MRTFB: variants seen among roughly 807,000 people sequenced by gnomAD.
The protein encoded by MRTFB is myocardin-related transcription factor B.
Under a neutral mutation model 104.2 loss-of-function variants are expected in MRTFB, and 29 were observed. That is an observed-to-expected ratio of 0.28 (90% confidence interval 0.21 to 0.38). The LOEUF is 0.38. Ranked by LOEUF, MRTFB falls within the 10% of genes least tolerant of loss-of-function variation. MRTFB has a pLI of 1.00. For missense variants in MRTFB, 1,270 were observed against 1,341.6 expected, an observed-to-expected ratio of 0.95 and a Z score of 0.83; for synonymous variants, 535 against 519.5, an observed-to-expected ratio of 1.03 and a Z score of -0.41.
chr16:14,246,705 A>T lies in MRTFB; in HGVS notation c.1445A>T (p.Lys482Met). The stretch of plus-strand genomic sequence containing the variant: ...GTGACTAGCTCAGTCTCTACTCTCA[A>T]GGCAGAATTGCCACCTACAGGAACC... The part of the protein sequence containing the change: ...NTVTSSVSTL[K>M]AELPPTGTSN... Residue 482 changes from lysine (K) to methionine (M), a missense_variant, in exon 12 of 17, where the codon AAG becomes ATG. Transcript: ENST00000571589. 6.2e-7 allele frequency: 1 copy of T among 1,614,206 alleles called. No individual in the cohort carries two copies. The highest frequency in any genetic ancestry group is 1.1e-5 in the South Asian group (1 of 91,082).
chr16:14,052,216 G>A, the MRTFB span, among the ~76,000 whole-genome samples: 1 of 152,156 alleles, frequency 6.6e-6, no homozygotes, highest in South Asian at 2.1e-4. Context: ...AATGAGGGAG[G>A]AGGAGTCATG....
intron 12 of MRTFB, chr16:14,247,859 C>T (rs566719679): frequency 3.3e-5 from 7 of 210,552 alleles, no homozygotes; most frequent in Non-Finnish European, 6.7e-5. Context: ...AAATGGCCGG[C>T]TTCACTTAAT....
chr16:14,130,351 T>C (rs900423926), intron 2 of MRTFB, among the ~76,000 whole-genome samples: 9 of 152,234 alleles, frequency 5.9e-5, no homozygotes, highest in African/African-American at 1.4e-4. Context: ...ACCATTGTTT[T>C]TGACAATTTT....
intron 3 of MRTFB, chr16:14,150,974 A>G (rs13332261): frequency 6.6e-6 from 1 of 152,236 alleles, no homozygotes. Context: ...GAGAACCTCA[A>G]GAGATTACTT....
chr16:14,122,238 G>GTT, intron 2 of MRTFB, among the ~76,000 whole-genome samples: 1 of 118,774 alleles, frequency 8.4e-6, no homozygotes, highest in East Asian at 2.4e-4. Flanking sequence ...ATATGGATCT[G>GTT]TTTTTTTTTT....
chr16:14,075,349 G>A (rs748934226), intron 1 of MRTFB, among the ~76,000 whole-genome samples: 8 of 152,208 alleles, frequency 5.3e-5, no homozygotes, highest in Non-Finnish European at 8.8e-5. Flanking sequence ...CCATCAGCAC[G>A]TCAGCAGCAT....
intron 2 of MRTFB, among the ~76,000 whole-genome samples, chr16:14,089,194 T>C (rs952035582): frequency 6.6e-6 from 1 of 152,202 alleles, no homozygotes; most frequent in African/African-American, 2.4e-5. Context: ...CCTTTTAAAG[T>C]GTAGAACTCA....
rs758763374 is a variant in MRTFB at position 14,213,536 on chromosome 16, T to C, written c.277-9T>C. 1.1e-5 allele frequency: 18 copies of C among 1,585,404 alleles called. No individual in the cohort carries two copies. The highest frequency in any genetic ancestry group is 3.4e-4 in the Middle Eastern group (2 of 5,946). ...ATGATTTATGGTAAGACTTTTTTTC[T>C]TTTTAAAGACTGAAAACTTTTTGAA... is the stretch of plus-strand genomic sequence containing the variant. On this transcript the variant is annotated splice_polypyrimidine_tract_variant and intron_variant, in intron 5 of 16. Transcript: ENST00000571589.
chr16:14,003,764 C>T, the MRTFB span, among the ~76,000 whole-genome samples: 1 of 151,940 alleles, frequency 6.6e-6, no homozygotes, highest in East Asian at 1.9e-4. Context: ...GGGGGAAACT[C>T]AAAAGTATGC....
intron 2 of MRTFB, among the ~76,000 whole-genome samples, chr16:14,109,644 A>C (rs1429727123): frequency 6.6e-6 from 1 of 152,176 alleles, no homozygotes; most frequent in African/African-American, 2.4e-5. Flanking sequence ...GAGATCACCA[A>C]GTTGTCCATT....
At chr16:14,251,245 C>T (rs555667742) in intron 13 of MRTFB, among the ~76,000 whole-genome samples, 142 of 151,866 alleles carry the variant, frequency 9.4e-4, no homozygotes, top group African/African-American at 3.2e-3. Flanking sequence ...GGTGTGGTGG[C>T]GGGCGCCTGT....
intron 3 of MRTFB, chr16:14,200,361 T>C: frequency 1.2e-6 from 2 of 1,608,026 alleles, no homozygotes; most frequent in East Asian, 4.5e-5. Flanking sequence ...GCCGCCATGT[T>C]GCAGCAGGAT....
chr16:14,137,503 A>G (rs542975492), intron 2 of MRTFB, among the ~76,000 whole-genome samples: 8 of 152,282 alleles, frequency 5.3e-5, no homozygotes, highest in East Asian at 3.9e-4. Context: ...ACATCTTTCA[A>G]TTATAAGGGC....
chr16:14,081,454 G>A (rs374551574), intron 2 of MRTFB, among the ~76,000 whole-genome samples: 5 of 151,994 alleles, frequency 3.3e-5, no homozygotes, highest in South Asian at 2.1e-4. Flanking sequence ...CATCATGCCC[G>A]GCTAATTTTT....
At chr16:14,117,018 T>G (rs1287494416) in intron 2 of MRTFB, among the ~76,000 whole-genome samples, 1 of 152,190 alleles carries the variant, frequency 6.6e-6, no homozygotes, top group African/African-American at 2.4e-5. Context: ...CTCAGCTCTC[T>G]CGGGACATGG....
chr16:13,998,503 G>T, the MRTFB span, among the ~76,000 whole-genome samples: 1 of 151,976 alleles, frequency 6.6e-6, no homozygotes, highest in Non-Finnish European at 1.5e-5. Context: ...AAAATTAGCT[G>T]GGCATGAAGT....
intron 3 of MRTFB, among the ~76,000 whole-genome samples, chr16:14,197,072 C>T (rs537581054): frequency 2.0e-5 from 3 of 147,532 alleles, no homozygotes; most frequent in East Asian, 2.0e-4. Flanking sequence ...CGGGTTCAAG[C>T]GATCCCCACC....
intron 2 of MRTFB, among the ~76,000 whole-genome samples, chr16:14,127,055 G>A (rs2037147824): frequency 6.6e-6 from 1 of 152,154 alleles, no homozygotes; most frequent in Admixed American, 6.5e-5. Context: ...ATTTTTCAAA[G>A]AGGCTTAGGG....
At chr16:14,175,936 A>G (rs183833259) in intron 3 of MRTFB, among the ~76,000 whole-genome samples, 7 of 152,346 alleles carry the variant, frequency 4.6e-5, no homozygotes, top group Non-Finnish European at 8.8e-5. Flanking sequence ...GATAGAAAGC[A>G]GATCAGTGAT....
Sources: allele counts gnomAD v4.1 joint callset (sites outside exome capture counted in the v4.1 genomes callset), GRCh38; gene constraint gnomAD v4.1.1; transcripts MANE v1.5; gene names NCBI Gene and HGNC (gene_info 2026-07-23, HGNC 2026-07-21).